EFCAB5: variants seen among roughly 807,000 people sequenced by gnomAD.
The protein encoded by EFCAB5 is EF-hand calcium binding domain 5, also known as EF-hand calcium-binding domain-containing protein 5.
Under a neutral mutation model 167.9 loss-of-function variants are expected in EFCAB5, and 131 were observed. That is an observed-to-expected ratio of 0.78 (90% CI 0.68 to 0.90). The LOEUF (loss-of-function observed/expected upper bound fraction) is 0.90, where lower values mean the gene tolerates loss of function less well. EFCAB5 is among the 40% of genes least tolerant of loss of function. The pLI is 0.00. For missense variants in EFCAB5, 1,663 were observed against 1,745.2 expected (o/e 0.95, Z 0.84); for synonymous variants, 574 against 602.8 (o/e 0.95, Z 0.70).
Position 30,040,659 on chromosome 17 carries a change from A to G in EFCAB5, c.1200+6274A>G, listed in dbSNP as rs531439332. 3.3e-5 allele frequency among the ~76,000 whole-genome samples: 5 copies of G among 152,356 alleles called. No individual in the cohort carries two copies. The East Asian group carries it at 9.6e-4, about 29-fold the overall frequency. On this transcript the variant is annotated intron_variant, in intron 8 of 22. Coordinates refer to ENST00000394835, the MANE Select transcript of EFCAB5 (RefSeq NM_198529.4). ...TAAGTGAGTTTGAAGAGGAAACTAT[A>G]AAGTGAAAGAGGAAGAAATTGTAGA...
At chr17:30,008,477 A>T (rs1263291996) in intron 7 of EFCAB5, among the ~76,000 whole-genome samples, 1 of 152,094 alleles carries the variant, frequency 6.6e-6, no homozygotes, top group Non-Finnish European at 1.5e-5. Flanking sequence ...CTGTAGTCCC[A>T]GCTACTTGGG....
intron 7 of EFCAB5, among the ~76,000 whole-genome samples, chr17:30,011,738 C>T (rs903721530): frequency 2.0e-5 from 3 of 152,092 alleles, no homozygotes; most frequent in Admixed American, 6.6e-5. Context: ...AATATACAAT[C>T]GTGTCATCTG....
At chr17:30,073,060 T>C in intron 14 of EFCAB5, 1 of 637,270 alleles carries the variant, frequency 1.6e-6, no homozygotes, top group South Asian at 1.7e-5. Context: ...GCCCAACCTT[T>C]ATTTTTTTTT....
Position 29,968,774 on chromosome 17 carries a change from CT to C in EFCAB5, c.191-9del, listed in dbSNP as rs535443590. 1.6e-3 allele frequency: 2,311 copies of C among 1,446,580 alleles called. 2 individuals are homozygous for C. Among genetic ancestry groups the C allele is most frequent in the Non-Finnish European group, 1.9e-3 (2,054 of 1,098,818 alleles). The allele number at this position is 1,446,580 out of a possible 1,614,324, so 89.6% of individuals were successfully genotyped here. On this transcript the variant is annotated splice_polypyrimidine_tract_variant and intron_variant, in intron 3 of 22. Transcript: ENST00000394835. The stretch of plus-strand genomic sequence containing the variant: ...TACTTCTAACATTTCTTACATTTCA[CT>C]TTTTTTTCCCCTCAGAATTAAACCT...
intron 4 of EFCAB5, among the ~76,000 whole-genome samples, chr17:29,983,568 T>C (rs2068220916): frequency 1.3e-5 from 2 of 152,148 alleles, no homozygotes; most frequent in Admixed American, 1.3e-4. Context: ...CATAATGTAG[T>C]TTTTCTTCCC....
chr17:29,943,729 T>G, intron 3 of EFCAB5, 80 bp downstream of exon 3: 8 of 1,295,856 alleles, frequency 6.2e-6, no homozygotes, highest in Non-Finnish European at 7.4e-6. Context: ...ATTCCAGCAC[T>G]TTGGGAGGCC....
At chr17:29,989,670 A>AT (rs111266102) in intron 4 of EFCAB5, among the ~76,000 whole-genome samples, 11,586 of 152,096 alleles carry the variant, frequency 0.076, 926 homozygotes, top group African/African-American at 0.21. Context: ...TATTTACCTG[A>AT]TTTTTTCTTA....
At chr17:29,996,117 A>G (rs999086302) in intron 5 of EFCAB5, among the ~76,000 whole-genome samples, 195 bp from the exon 6 acceptor site, 1 of 152,028 alleles carries the variant, frequency 6.6e-6, no homozygotes, top group African/African-American at 2.4e-5. Context: ...CATAATACAC[A>G]TTTTCCATGA....
At chr17:29,944,542 G>C (rs1381433331) in intron 3 of EFCAB5, among the ~76,000 whole-genome samples, 1 of 151,690 alleles carries the variant, frequency 6.6e-6, no homozygotes, top group Non-Finnish European at 1.5e-5. Flanking sequence ...AAGAACTCCA[G>C]TGATTTGGGC....
chr17:30,093,033 GT>G, intron 22 of EFCAB5, 97 bp downstream of exon 22: 1 of 842,138 alleles, frequency 1.2e-6, no homozygotes, highest in Non-Finnish European at 1.8e-6. Context: ...CATAAATTCA[GT>G]TTTTAGGAGA....
At chr17:29,968,065 G>A (rs2067869957) in intron 3 of EFCAB5, among the ~76,000 whole-genome samples, 1 of 151,932 alleles carries the variant, frequency 6.6e-6, no homozygotes, top group Non-Finnish European at 1.5e-5. Context: ...TGTAGAAACA[G>A]CATCTTCCTA....
chr17:30,055,850 A>G, intron 10 of EFCAB5, 38 bp from the exon 11 acceptor site: 1 of 1,590,080 alleles, frequency 6.3e-7, no homozygotes, highest in Non-Finnish European at 8.6e-7. Context: ...GGAATATGTA[A>G]TGTCTAATTC....
At chr17:30,032,798 A>G (rs182699968) in intron 7 of EFCAB5, among the ~76,000 whole-genome samples, 2 of 152,266 alleles carry the variant, frequency 1.3e-5, no homozygotes, top group Admixed American at 1.3e-4. Context: ...TCTCCTGCTA[A>G]CCTATCTTAT....
intron 10 of EFCAB5, among the ~76,000 whole-genome samples, chr17:30,054,618 T>C (rs2070201255): frequency 6.6e-6 from 1 of 152,256 alleles, no homozygotes; most frequent in African/African-American, 2.4e-5. Context: ...TATTCTCATG[T>C]CTTTGGTCAG....
At chr17:30,053,139 C>A in intron 9 of EFCAB5, 116 bp from the exon 10 acceptor site, 1 of 1,170,362 alleles carries the variant, frequency 8.5e-7, no homozygotes, top group Non-Finnish European at 1.2e-6. Flanking sequence ...TTATTTAGAG[C>A]AATAGGCCTA....
At chr17:30,065,214 A>G (rs975818793) in intron 14 of EFCAB5, among the ~76,000 whole-genome samples, 2 of 152,220 alleles carry the variant, frequency 1.3e-5, no homozygotes, top group African/African-American at 4.8e-5. Flanking sequence ...TGCAATAATA[A>G]TAAGAGGGGA....
At chr17:29,942,954 CTTTAA>C (rs2067323101) in intron 2 of EFCAB5, among the ~76,000 whole-genome samples, 1 of 152,046 alleles carries the variant, frequency 6.6e-6, no homozygotes, top group African/African-American at 2.4e-5. Context: ...AAGATAATCA[CTTTAA>C]CCCAGGAGGC....
chr17:30,016,206 A>G (rs1021269775), intron 7 of EFCAB5, among the ~76,000 whole-genome samples: 2 of 152,128 alleles, frequency 1.3e-5, no homozygotes, highest in Admixed American at 6.5e-5. Flanking sequence ...CTGAAGCACA[A>G]AAGTTTTAAA....
Position 29,944,632 on chromosome 17 carries a change from T to G in EFCAB5, c.190+983T>G, listed in dbSNP as rs571860624. ...GTTGTTTTCTGTTTTGTTTTGTTTT[T>G]TTTTTTTTGAGACGAAGTTTTGCGC... On this transcript the variant is annotated intron_variant, in intron 3 of 22. Transcript: ENST00000394835. 1.4e-3 allele frequency among the ~76,000 whole-genome samples: 205 copies of G among 151,010 alleles called. 3 individuals are homozygous for G. The highest frequency in any genetic ancestry group is 4.8e-3 in the African/African-American group (196 of 41,230).
Sources: gnomAD v4.1 joint callset for allele counts (sites outside exome capture counted in the v4.1 genomes callset) on GRCh38, gnomAD v4.1.1 for gene constraint, MANE v1.5 for transcripts, NCBI Gene and HGNC (gene_info 2026-07-23, HGNC 2026-07-21) for gene names.